MSH3: variants seen among roughly 807,000 people sequenced by gnomAD.
MSH3 encodes DNA mismatch repair protein Msh3.
MSH3 carries 106 observed loss-of-function variants against 123.3 expected under a neutral mutation model. The ratio of observed to expected loss-of-function variants is 0.86; its 90% CI spans 0.73 to 1.01. The LOEUF is 1.01. Ranked by LOEUF, MSH3 falls within the 50% of genes least tolerant of loss-of-function variation. The probability of loss-of-function intolerance (pLI) is 0.00; values close to 1 mark genes in which losing one functional copy is unlikely to be tolerated. For missense variants in MSH3, 1,459 were observed against 1,347.6 expected (o/e 1.08, Z -1.29); for synonymous variants, 515 against 481.4 (o/e 1.07, Z -0.91).
chr5:80,825,131 C>T (rs1430955084), intron 20 of MSH3, among the ~76,000 whole-genome samples: 2 of 152,070 alleles, frequency 1.3e-5, no homozygotes, highest in African/African-American at 2.4e-5. Flanking sequence ...GTATAATAAT[C>T]CTCCATGCAC....
chr5:80,864,079 T>C (rs765864971), intron 21 of MSH3, among the ~76,000 whole-genome samples: 1 of 152,162 alleles, frequency 6.6e-6, no homozygotes, highest in Non-Finnish European at 1.5e-5. Context: ...GGTTAAATAT[T>C]TTTTCCTTGT....
intron 19 of MSH3, among the ~76,000 whole-genome samples, chr5:80,798,843 T>C (rs921927637): frequency 6.6e-6 from 1 of 152,204 alleles, no homozygotes; most frequent in Non-Finnish European, 1.5e-5. Context: ...TCTGCATTGA[T>C]TGGACTCACA....
chr5:80,823,849 C>G (rs28447493), intron 20 of MSH3, among the ~76,000 whole-genome samples: 2,137 of 152,028 alleles, frequency 0.014, 47 homozygotes, highest in African/African-American at 0.05. Flanking sequence ...TGCGGCCTTC[C>G]GCAGTGTTTG....
intron 20 of MSH3, 92 bp from the exon 21 acceptor site, chr5:80,854,038 T>A (rs180960215): frequency 9.8e-7 from 1 of 1,021,520 alleles, no homozygotes; most frequent in African/African-American, 1.6e-5. Context: ...AGATTCTTAG[T>A]GATCTTTTAT....
At chr5:80,766,108 C>T (rs1025987029) in intron 13 of MSH3, among the ~76,000 whole-genome samples, 20 of 151,876 alleles carry the variant, frequency 1.3e-4, no homozygotes, top group Non-Finnish European at 2.8e-4. Flanking sequence ...GTAGTATCTT[C>T]TGTTTCATGG....
At chr5:80,790,286 A>G (rs912751460) in intron 18 of MSH3, among the ~76,000 whole-genome samples, 2 of 152,172 alleles carry the variant, frequency 1.3e-5, no homozygotes, top group African/African-American at 4.8e-5. Context: ...GATCTTCAGT[A>G]TACTCTACTG....
rs1301015680 is a variant in MSH3, at chr5:80,750,618, G to GT, written c.1763+6004dup. ...GTAGTTTGAGTTCCCTGTATATTTGGTATATTAGCCCCTTATCCAGTGTTT... is the reference window on the plus strand; with the variant it reads ...GTAGTTTGAGTTCCCTGTATATTTGGTTATATTAGCCCCTTATCCAGTGTTT... On this transcript the variant is annotated intron_variant, in intron 12 of 23. Coordinates refer to ENST00000265081, the MANE Select transcript of MSH3 (RefSeq NM_002439.5). Among the ~76,000 whole-genome samples the GT allele has an allele frequency of 9.2e-5, 14 of 152,152 alleles. No homozygotes were observed. The East Asian group carries it at 2.7e-3, about 29-fold the overall frequency.
At position 80,875,901 on chromosome 5, in the gene MSH3, A is replaced by G. The variant is rs763210205; in HGVS notation, c.*39A>G. 24 of 1,246,830 alleles carry G rather than the reference A, an allele frequency of 1.9e-5. No individual in the cohort carries two copies. The highest frequency in any genetic ancestry group is 2.7e-5 in the Non-Finnish European group (23 of 850,672). 77.2% of individuals were successfully genotyped at this position (1,246,830 alleles called of 1,614,324 possible). On this transcript the variant is annotated 3_prime_UTR_variant, in exon 24 of 24. Transcript: ENST00000265081. Reference sequence around the variant, plus strand: ...TTTGTGAACAAAAAATGGAGAATTAAAAATACCAACTGTACAAAATAACTC... The same window carrying G: ...TTTGTGAACAAAAAATGGAGAATTAGAAATACCAACTGTACAAAATAACTC...
rs201232032 is a variant in MSH3 at position 80,695,493 on chromosome 5, C to A, written c.1340+16400C>A. Among the ~76,000 whole-genome samples, 3 of 152,076 alleles carry A rather than the reference C, an allele frequency of 2.0e-5. No individual in the cohort carries two copies. The East Asian group carries it at 5.8e-4, about 29-fold the overall frequency. Reference sequence around the variant, plus strand: ...GGTATTATAGGCGCCTGCCACCACGCCCAGCTAATTTTTGTATTTTAGTAG... The same window carrying A: ...GGTATTATAGGCGCCTGCCACCACGACCAGCTAATTTTTGTATTTTAGTAG... On this transcript the variant is annotated intron_variant, in intron 8 of 23. Transcript: ENST00000265081.
At chr5:80,790,558 A>G (rs1157479781) in intron 18 of MSH3, among the ~76,000 whole-genome samples, 3 of 152,186 alleles carry the variant, frequency 2.0e-5, no homozygotes, top group Non-Finnish European at 2.9e-5. Flanking sequence ...CAACTATAAT[A>G]TAAAAGTCTA....
Position 80,670,213 on chromosome 5 carries a change from A to C in MSH3, c.696A>C (p.Leu232=), listed in dbSNP as rs150903605. 1.1e-5 allele frequency: 17 copies of C among 1,614,082 alleles called. No individual in the cohort carries two copies. The highest frequency in any genetic ancestry group is 1.4e-5 in the Non-Finnish European group (17 of 1,180,030). ...GGTCCAAAAGCATCTATACGCCGCT[A>C]GAATTACAATACATAGAAATGAAGC... is the stretch of plus-strand genomic sequence containing the variant. ...NKRSKSIYTP[L]ELQYIEMKQQ... is the part of the protein sequence containing the mutation. Residue 232 remains leucine, a synonymous_variant, in exon 4 of 24, where the codon CTA becomes CTC. Coordinates refer to ENST00000265081, the MANE Select transcript of MSH3 (RefSeq NM_002439.5).
chr5:80,874,394 T>G (rs1261146405), intron 23 of MSH3, among the ~76,000 whole-genome samples: 1 of 152,352 alleles, frequency 6.6e-6, no homozygotes, highest in East Asian at 1.9e-4. Context: ...TGACACTCTT[T>G]TCTGGCTCAT....
intron 8 of MSH3, among the ~76,000 whole-genome samples, chr5:80,725,154 C>T (rs1743257004): frequency 7.0e-6 from 1 of 143,520 alleles, no homozygotes; most frequent in South Asian, 2.2e-4. Flanking sequence ...GTGGAGCTTG[C>T]AGTGAGCTGA....
intron 1 of MSH3, 55 bp downstream of exon 1, chr5:80,655,019 T>A: frequency 8.9e-7 from 1 of 1,121,656 alleles, no homozygotes; most frequent in South Asian, 1.8e-5. Flanking sequence ...GCGGGGCTTG[T>A]GGGTAAGGCG....
At chr5:80,831,752 A>C (rs1418644506) in intron 20 of MSH3, among the ~76,000 whole-genome samples, 1 of 151,666 alleles carries the variant, frequency 6.6e-6, no homozygotes, top group Non-Finnish European at 1.5e-5. Flanking sequence ...CAAAGTTTTT[A>C]GCAACCTGAA....
intron 17 of MSH3, among the ~76,000 whole-genome samples, 161 bp downstream of exon 17, chr5:80,778,997 CTT>C (rs368557083): frequency 1.5e-5 from 2 of 131,266 alleles, no homozygotes; most frequent in Non-Finnish European, 1.6e-5. Context: ...TTTTTTTTTA[CTT>C]TTTTTTTTTT....
chr5:80,857,329 GT>G (rs1745936079), intron 21 of MSH3, among the ~76,000 whole-genome samples: 1 of 152,146 alleles, frequency 6.6e-6, no homozygotes. Flanking sequence ...TTGCATCTAT[GT>G]TTATGAGAGA....
chr5:80,695,416 C>T (rs1045458537), intron 8 of MSH3, among the ~76,000 whole-genome samples: 1 of 151,988 alleles, frequency 6.6e-6, no homozygotes, highest in Non-Finnish European at 1.5e-5. Flanking sequence ...CTCACTGCAA[C>T]CTCCGCCCCC....
At chr5:80,779,509 T>C (rs559640257) in intron 17 of MSH3, among the ~76,000 whole-genome samples, 1 of 152,104 alleles carries the variant, frequency 6.6e-6, no homozygotes, top group African/African-American at 2.4e-5. Context: ...CTATATAATC[T>C]TAACACCATT....
Sources: allele counts gnomAD v4.1 joint callset (sites outside exome capture counted in the v4.1 genomes callset), GRCh38; gene constraint gnomAD v4.1.1; transcripts MANE v1.5; gene names NCBI Gene and HGNC (gene_info 2026-07-23, HGNC 2026-07-21).